The following ADAMTSL3 variants were observed in gnomAD, a reference collection of about 807,000 sequenced individuals.
ADAMTSL3 encodes the protein ADAMTS like 3.
In ADAMTSL3, 128 loss-of-function variants were observed where a neutral mutation model predicts 201.7. That is an observed-to-expected ratio of 0.63 (90% CI 0.55 to 0.73). The LOEUF (loss-of-function observed/expected upper bound fraction) is 0.73. ADAMTSL3 is among the 30% of genes least tolerant of loss of function. ADAMTSL3 has a pLI of 0.00. For missense variants in ADAMTSL3, 1,990 were observed against 2,119.6 expected, an observed-to-expected ratio of 0.94 and a Z score of 1.20; for synonymous variants, 738 against 748.4, an observed-to-expected ratio of 0.99 and a Z score of 0.23.
chr15:84,008,843 G>A (rs771133332), intron 23 of ADAMTSL3, among the ~76,000 whole-genome samples: 5 of 152,090 alleles, frequency 3.3e-5, no homozygotes, highest in Non-Finnish European at 7.3e-5. Flanking sequence ...CTCTCATAGT[G>A]TCCCTCATCT....
chr15:83,976,583 G>A (rs552782543), intron 20 of ADAMTSL3, among the ~76,000 whole-genome samples: 15 of 151,802 alleles, frequency 9.9e-5, no homozygotes, highest in South Asian at 6.3e-4. Flanking sequence ...GGTCCCATCC[G>A]GGGTTGATGA....
intron 2 of ADAMTSL3, among the ~76,000 whole-genome samples, chr15:83,676,195 ATCTTT>A (rs947321805): frequency 6.9e-6 from 1 of 144,922 alleles, no homozygotes; most frequent in Non-Finnish European, 1.5e-5. Context: ...TTGATTTGAG[ATCTTT>A]TCTTTTTTTT....
chr15:83,833,355 C>T (rs1327216185), intron 6 of ADAMTSL3, among the ~76,000 whole-genome samples: 2 of 152,090 alleles, frequency 1.3e-5, no homozygotes, highest in Non-Finnish European at 2.9e-5. Flanking sequence ...GAGGCTGTGT[C>T]CTCACATGGC....
chr15:84,032,584 T>C (rs2068429111), intron 28 of ADAMTSL3, among the ~76,000 whole-genome samples: 1 of 152,218 alleles, frequency 6.6e-6, no homozygotes, highest in East Asian at 1.9e-4. Context: ...AATACATACA[T>C]GGGTCACATA....
chr15:83,925,234 C>T (rs1019898750), intron 17 of ADAMTSL3, among the ~76,000 whole-genome samples: 1 of 152,158 alleles, frequency 6.6e-6, no homozygotes, highest in Non-Finnish European at 1.5e-5. Flanking sequence ...CCCGCACAGT[C>T]TCAGGAGGAG....
At chr15:83,657,935 T>G (rs1014177346) in intron 2 of ADAMTSL3, among the ~76,000 whole-genome samples, 1 of 152,148 alleles carries the variant, frequency 6.6e-6, no homozygotes, top group African/African-American at 2.4e-5. Flanking sequence ...AGGCCGCCCT[T>G]TCTGAAGTAT....
intron 9 of ADAMTSL3, among the ~76,000 whole-genome samples, chr15:83,877,279 C>T (rs1330096706): frequency 6.6e-6 from 1 of 152,158 alleles, no homozygotes; most frequent in Admixed American, 6.6e-5. Flanking sequence ...TTTCTTTTCA[C>T]ACCAAAGGCT....
intron 19 of ADAMTSL3, among the ~76,000 whole-genome samples, chr15:83,952,660 G>A (rs4240769): frequency 0.14 from 21,021 of 151,872 alleles, 1,873 homozygotes; most frequent in Middle Eastern, 0.33. Context: ...GTCATATCCC[G>A]CCAGGCGTGG....
At chr15:83,662,207 A>G (rs1296740662) in intron 2 of ADAMTSL3, among the ~76,000 whole-genome samples, 105 of 145,966 alleles carry the variant, frequency 7.2e-4, no homozygotes, top group Non-Finnish European at 1.2e-3. Flanking sequence ...GATTAAGAAA[A>G]TGTGGCACAT....
At chr15:83,763,535 C>T (rs1014009559) in intron 3 of ADAMTSL3, among the ~76,000 whole-genome samples, 7 of 143,480 alleles carry the variant, frequency 4.9e-5, no homozygotes, top group East Asian at 2.1e-4. Context: ...GACAGAGTCT[C>T]GCTCTGTCAC....
intron 3 of ADAMTSL3, among the ~76,000 whole-genome samples, chr15:83,733,944 A>G (rs1351437453): frequency 6.6e-6 from 1 of 152,178 alleles, no homozygotes; most frequent in African/African-American, 2.4e-5. Context: ...AGACATCTGG[A>G]GTGGCGTATA....
intron 19 of ADAMTSL3, among the ~76,000 whole-genome samples, chr15:83,960,585 T>TCCTTG (rs1329452022): frequency 6.6e-6 from 1 of 152,002 alleles, no homozygotes; most frequent in Non-Finnish European, 1.5e-5. Flanking sequence ...TTTTTATGCC[T>TCCTTG]CCTTGCCAAG....
At chr15:83,889,483 A>C (rs138830623) in intron 10 of ADAMTSL3, among the ~76,000 whole-genome samples, 1 of 152,346 alleles carries the variant, frequency 6.6e-6, no homozygotes, top group African/African-American at 2.4e-5. Flanking sequence ...ACAAGATTTA[A>C]AACACATTAT....
intron 8 of ADAMTSL3, among the ~76,000 whole-genome samples, chr15:83,866,636 C>G (rs1276286919): frequency 2.0e-5 from 3 of 152,024 alleles, no homozygotes; most frequent in Non-Finnish European, 4.4e-5. Flanking sequence ...GGAGGGATAG[C>G]ATTAGGAGAT....
At chr15:83,676,917 A>G (rs947428273) in intron 2 of ADAMTSL3, among the ~76,000 whole-genome samples, 3 of 151,922 alleles carry the variant, frequency 2.0e-5, no homozygotes, top group African/African-American at 7.3e-5. Flanking sequence ...TGGACCTCCC[A>G]CTCTCCAGAA....
chr15:83,952,356 CTT>C (rs1263384242), intron 19 of ADAMTSL3, among the ~76,000 whole-genome samples: 7 of 152,136 alleles, frequency 4.6e-5, no homozygotes, highest in Non-Finnish European at 1.0e-4. Context: ...TGTTTTAAGA[CTT>C]CTGTAGGGCT....
chr15:83,946,242 C>A (rs960874244), intron 19 of ADAMTSL3, among the ~76,000 whole-genome samples: 21 of 152,194 alleles, frequency 1.4e-4, no homozygotes, highest in African/African-American at 5.1e-4. Flanking sequence ...GACATCACCA[C>A]TTTCCTCCGT....
At position 83,860,744 on chromosome 15, in the gene ADAMTSL3, G is replaced by A. The variant is rs568057857; in HGVS notation, c.802+1904G>A. On this transcript the variant is annotated intron_variant, in intron 8 of 29. Coordinates refer to ENST00000286744, the MANE Select transcript of ADAMTSL3 (RefSeq NM_207517.3). ...GTCTACAGCTCCCAGCATGAGTGAC[G>A]TAGAAGACGGGTGATTTCTGCATTT... Among the ~76,000 whole-genome samples the A allele has an allele frequency of 1.1e-3, 162 of 152,326 alleles. No homozygotes were observed. In the South Asian group the frequency reaches 0.011, roughly 10 times the overall value.
chr15:83,892,820 A>T lies in ADAMTSL3; in HGVS notation c.1399A>T (p.Lys467Ter). The T allele has an allele frequency of 2.5e-6, 4 of 1,614,174 alleles. No individual in the cohort carries two copies. The highest frequency in any genetic ancestry group is 3.4e-6 in the Non-Finnish European group (4 of 1,180,026). ...VEEWKCMYAP[K>*]PKVMQTCNLF... ...AGAATGGAAGTGCATGTACGCACCC[A>T]AACCCAAGGTTATGCAAACTTGTAA... Residue 467 changes from lysine (K) to a stop codon, truncating the protein, a stop_gained, in exon 13 of 30, where the codon AAA becomes TAA. Coordinates refer to ENST00000286744, the MANE Select transcript of ADAMTSL3 (RefSeq NM_207517.3). LOFTEE classifies it high-confidence loss of function.
Sources: gnomAD v4.1 joint callset for allele counts (sites outside exome capture counted in the v4.1 genomes callset) on GRCh38, gnomAD v4.1.1 for gene constraint, MANE v1.5 for transcripts, NCBI Gene and HGNC (gene_info 2026-07-23, HGNC 2026-07-21) for gene names.